The following SCAPER variants were observed in gnomAD, a reference collection of about 807,000 sequenced individuals.
The protein encoded by SCAPER is S-phase cyclin A associated protein in the ER.
In SCAPER, 98 loss-of-function variants were observed where a neutral mutation model predicts 182.2. The observed-to-expected ratio is 0.54, with a 90% CI of 0.46 to 0.64. The LOEUF (loss-of-function observed/expected upper bound fraction) is 0.64. Among genes scored for constraint, SCAPER ranks in the 30% least tolerant of loss-of-function variants. SCAPER has a pLI of 0.00. For missense variants in SCAPER, 1,432 were observed against 1,690.0 expected, an observed-to-expected ratio of 0.85 and a Z score of 2.68; for synonymous variants, 605 against 564.6, an observed-to-expected ratio of 1.07 and a Z score of -1.01.
chr15:76,720,027 C>T (rs944478419), intron 17 of SCAPER, among the ~76,000 whole-genome samples: 1 of 151,498 alleles, frequency 6.6e-6, no homozygotes, highest in Non-Finnish European at 1.5e-5. Flanking sequence ...GTGCTGCACC[C>T]ATTAACTCAT....
chr15:76,572,663 T>A (rs1475444887), intron 23 of SCAPER, among the ~76,000 whole-genome samples: 1 of 152,168 alleles, frequency 6.6e-6, no homozygotes, highest in Non-Finnish European at 1.5e-5. Context: ...ACTAGCAGCA[T>A]CAATATGACT....
intron 23 of SCAPER, among the ~76,000 whole-genome samples, chr15:76,507,205 C>T: frequency 6.6e-6 from 1 of 151,992 alleles, no homozygotes. Flanking sequence ...GACTGGCGTT[C>T]TTATAAGAGG....
chr15:76,864,354 C>A (rs1300903379), intron 2 of SCAPER, among the ~76,000 whole-genome samples: 2 of 152,186 alleles, frequency 1.3e-5, no homozygotes, highest in South Asian at 4.1e-4. Context: ...AAGTTGCTAA[C>A]CCATACTCCT....
At chr15:76,825,964 C>T (rs771666205) in intron 5 of SCAPER, among the ~76,000 whole-genome samples, 8 of 152,116 alleles carry the variant, frequency 5.3e-5, no homozygotes, top group African/African-American at 1.9e-4. Context: ...AGGCTGGTCT[C>T]GAACTCCTGA....
At chr15:76,755,024 T>G (rs1453674970) in intron 14 of SCAPER, among the ~76,000 whole-genome samples, 2 of 152,146 alleles carry the variant, frequency 1.3e-5, no homozygotes, top group Non-Finnish European at 2.9e-5. Context: ...GATACCTACA[T>G]TGATGAGAAA....
At chr15:76,627,884 G>A (rs1439192003) in intron 21 of SCAPER, among the ~76,000 whole-genome samples, 1 of 152,130 alleles carries the variant, frequency 6.6e-6, no homozygotes. Context: ...CACAATGGTT[G>A]AACTAATTTA....
chr15:76,391,455 C>T (rs1050194805), intron 27 of SCAPER, among the ~76,000 whole-genome samples: 4 of 152,150 alleles, frequency 2.6e-5, no homozygotes, highest in African/African-American at 9.7e-5. Flanking sequence ...GGACATAGCA[C>T]ATACTCAGTA....
chr15:76,429,849 A>C (rs541487023), intron 26 of SCAPER, among the ~76,000 whole-genome samples: 86 of 152,342 alleles, frequency 5.6e-4, no homozygotes, highest in Non-Finnish European at 1.1e-3. Context: ...GTTAATCCCC[A>C]AGACAATGAG....
intron 22 of SCAPER, among the ~76,000 whole-genome samples, chr15:76,599,898 G>T (rs2049788298): frequency 8.2e-6 from 1 of 121,414 alleles, no homozygotes; most frequent in Admixed American, 9.3e-5. Flanking sequence ...TGCGCATTTT[G>T]TTACATGTAA....
intron 5 of SCAPER, among the ~76,000 whole-genome samples, chr15:76,817,959 A>C (rs2067223053): frequency 6.6e-6 from 1 of 152,234 alleles, no homozygotes; most frequent in Non-Finnish European, 1.5e-5. Context: ...AGCTGATTCT[A>C]AAGTTTACAG....
chr15:76,751,311 A>C (rs12904149), intron 15 of SCAPER, among the ~76,000 whole-genome samples: 41,402 of 151,630 alleles, frequency 0.27, 6,432 homozygotes, highest in East Asian at 0.55. Context: ...ACACAAAGTG[A>C]TGTACAGATT....
chr15:76,544,389 A>C (rs1449668805), intron 23 of SCAPER, among the ~76,000 whole-genome samples: 2 of 152,174 alleles, frequency 1.3e-5, no homozygotes, highest in Admixed American at 1.3e-4. Context: ...ATTAACAGCC[A>C]AAAGCAGAAA....
At chr15:76,872,730 C>A (rs992439261) in intron 2 of SCAPER, among the ~76,000 whole-genome samples, 1 of 151,052 alleles carries the variant, frequency 6.6e-6, no homozygotes, top group Non-Finnish European at 1.5e-5. Context: ...TCTAGGTTTG[C>A]ATGCAAATGA....
chr15:76,584,963 C>A (rs1368130341), intron 22 of SCAPER, among the ~76,000 whole-genome samples: 1 of 152,146 alleles, frequency 6.6e-6, no homozygotes, highest in Non-Finnish European at 1.5e-5. Flanking sequence ...ACAACAAATG[C>A]CACTCAAAAA....
chr15:76,783,197 G>T (rs2064294966), intron 8 of SCAPER, among the ~76,000 whole-genome samples: 1 of 151,750 alleles, frequency 6.6e-6, no homozygotes, highest in Admixed American at 6.6e-5. Context: ...ATGATAAAGG[G>T]GATATCACCA....
chr15:76,645,154 T>C (rs1034006008), intron 21 of SCAPER, among the ~76,000 whole-genome samples: 4 of 152,080 alleles, frequency 2.6e-5, no homozygotes, highest in South Asian at 2.1e-4. Context: ...TCAAAATATA[T>C]AGGAGGATGT....
At chr15:76,774,234 C>T in intron 9 of SCAPER, 1 of 220,198 alleles carries the variant, frequency 4.5e-6, no homozygotes, top group South Asian at 5.9e-5. Flanking sequence ...AATGCATAAG[C>T]TAAATTGAAT....
chr15:76,677,477 A>T (rs991461272), intron 20 of SCAPER, among the ~76,000 whole-genome samples: 1 of 151,990 alleles, frequency 6.6e-6, no homozygotes, highest in Non-Finnish European at 1.5e-5. Flanking sequence ...AAGGGATTAG[A>T]TAATAAATTA....
chr15:76,393,332 G>T (rs1311516459), intron 27 of SCAPER, among the ~76,000 whole-genome samples: 6 of 152,222 alleles, frequency 3.9e-5, no homozygotes, highest in Admixed American at 6.5e-5. Context: ...TGTATCAAAG[G>T]TGCTTAACAA....
Sources: allele counts gnomAD v4.1 joint callset (sites outside exome capture counted in the v4.1 genomes callset), GRCh38; gene constraint gnomAD v4.1.1; transcripts MANE v1.5; gene names NCBI Gene and HGNC (gene_info 2026-07-23, HGNC 2026-07-21).